SH3BGRL2: variants seen among roughly 807,000 people sequenced by gnomAD.
SH3BGRL2 encodes the protein SH3 domain-binding glutamic acid-rich-like protein 2.
Under a neutral mutation model 14.8 loss-of-function variants are expected in SH3BGRL2, and 21 were observed. That is an observed-to-expected ratio of 1.42 (90% CI 1.01 to 2.05). SH3BGRL2 has a LOEUF of 2.05. Ranked by LOEUF, SH3BGRL2 falls within the 30% of genes most tolerant of loss-of-function variation. SH3BGRL2 has a pLI of 0.00. For missense variants in SH3BGRL2, 147 were observed against 130.8 expected (o/e 1.12, Z -0.61); for synonymous variants, 50 against 47.8 (o/e 1.05, Z -0.19).
the SH3BGRL2 span, among the ~76,000 whole-genome samples, chr6:79,597,334 GAA>G: frequency 4.0e-3 from 586 of 146,134 alleles, 3 homozygotes; most frequent in Non-Finnish European, 5.6e-3. Context: ...GAAAAGAAAA[GAA>G]AAAAGAAAAG....
At chr6:79,562,405 A>G in the SH3BGRL2 span, among the ~76,000 whole-genome samples, 2 of 152,160 alleles carry the variant, frequency 1.3e-5, no homozygotes, top group African/African-American at 4.8e-5. Flanking sequence ...TAACTATTAA[A>G]CAAATTGGTC....
In SH3BGRL2 at chr6:79,649,042, C is replaced by T. The variant is rs180959387; in HGVS notation, c.45+17536C>T. ...TTCTACATTCTTCATGGCAGAGGGC[C>T]ACCCTGTAGGACCACCTCACCCAGA... is the stretch of plus-strand genomic sequence containing the variant. On this transcript the variant is annotated intron_variant, in intron 1 of 3. Transcript: ENST00000369838. Among the ~76,000 whole-genome samples the T allele has an allele frequency of 6.6e-5, 10 of 152,252 alleles. No homozygotes were observed. The East Asian group carries it at 1.9e-3, about 29-fold the overall frequency.
chr6:79,571,061 G>A, the SH3BGRL2 span, among the ~76,000 whole-genome samples: 1 of 152,160 alleles, frequency 6.6e-6, no homozygotes, highest in East Asian at 1.9e-4. Context: ...TGTTTCTCCA[G>A]CATAGGAAAC....
chr6:79,698,974 G>A lies in SH3BGRL2; in HGVS notation c.313-524G>A, dbSNP rs541957928. On this transcript the variant is annotated intron_variant, in intron 3 of 3. Transcript: ENST00000369838. ...GTAATATCCAAAGTAGGTAACAACCGGTCAACACTGGGTGCTGACTGGCCA... is the reference window on the plus strand; with the variant it reads ...GTAATATCCAAAGTAGGTAACAACCAGTCAACACTGGGTGCTGACTGGCCA... Among the ~76,000 whole-genome samples the A allele has an allele frequency of 5.3e-5, 8 of 152,020 alleles. No homozygotes were observed. The South Asian group carries it at 1.7e-3, about 32-fold the overall frequency.
the SH3BGRL2 span, among the ~76,000 whole-genome samples, chr6:79,586,218 G>A: frequency 1.8e-5 from 2 of 114,170 alleles, no homozygotes. Flanking sequence ...AAAGCTATAA[G>A]ATTTATGTAT....
At chr6:79,559,299 C>T in the SH3BGRL2 span, among the ~76,000 whole-genome samples, 9 of 152,136 alleles carry the variant, frequency 5.9e-5, no homozygotes, top group East Asian at 1.5e-3. Context: ...CCCCATCCGT[C>T]TCTGCAAATT....
At chr6:79,600,991 GCT>G in the SH3BGRL2 span, among the ~76,000 whole-genome samples, 1 of 151,918 alleles carries the variant, frequency 6.6e-6, no homozygotes, top group Admixed American at 6.6e-5. Context: ...CCCCCCTCAA[GCT>G]CTCTCTCTTC....
chr6:79,585,336 T>C, the SH3BGRL2 span, among the ~76,000 whole-genome samples: 1 of 152,192 alleles, frequency 6.6e-6, no homozygotes, highest in African/African-American at 2.4e-5. Flanking sequence ...AAAAAATCTT[T>C]ATGTCTTTCA....
the SH3BGRL2 span, among the ~76,000 whole-genome samples, chr6:79,572,627 G>A: frequency 3.3e-5 from 5 of 152,082 alleles, no homozygotes; most frequent in East Asian, 7.7e-4. Flanking sequence ...CACCACGCCC[G>A]GCTAATTTTT....
the SH3BGRL2 span, among the ~76,000 whole-genome samples, chr6:79,597,202 C>T: frequency 2.1e-5 from 3 of 143,994 alleles, no homozygotes; most frequent in Admixed American, 2.2e-4. Flanking sequence ...TGCAATCCAG[C>T]CTGGGCACAG....
intron 2 of SH3BGRL2, among the ~76,000 whole-genome samples, chr6:79,688,697 A>G (rs188159642): frequency 6.4e-4 from 97 of 152,250 alleles, no homozygotes; most frequent in African/African-American, 2.3e-3. Flanking sequence ...CCTGACAAGT[A>G]AAACAAATTT....
At chr6:79,622,902 A>C in the SH3BGRL2 span, among the ~76,000 whole-genome samples, 3 of 152,248 alleles carry the variant, frequency 2.0e-5, no homozygotes, top group Non-Finnish European at 4.4e-5. Flanking sequence ...AATTGAGCAG[A>C]ATGGTCTTTT....
At chr6:79,560,573 C>T in the SH3BGRL2 span, among the ~76,000 whole-genome samples, 1 of 151,978 alleles carries the variant, frequency 6.6e-6, no homozygotes, top group Non-Finnish European at 1.5e-5. Flanking sequence ...ACTAGAAGGA[C>T]CTATAAGATT....
At chr6:79,663,602 C>T (rs911226208) in intron 1 of SH3BGRL2, among the ~76,000 whole-genome samples, 1 of 152,198 alleles carries the variant, frequency 6.6e-6, no homozygotes, top group Non-Finnish European at 1.5e-5. Flanking sequence ...AGGTGTCTCC[C>T]AGTTAGGCTA....
At chr6:79,655,968 G>C (rs1255731224) in intron 1 of SH3BGRL2, among the ~76,000 whole-genome samples, 1 of 152,234 alleles carries the variant, frequency 6.6e-6, no homozygotes, top group Non-Finnish European at 1.5e-5. Flanking sequence ...GGTAGTTGGA[G>C]AGTTGGGCAC....
chr6:79,657,569 T>TA (rs1212980571), intron 1 of SH3BGRL2, among the ~76,000 whole-genome samples: 1 of 152,144 alleles, frequency 6.6e-6, no homozygotes, highest in Admixed American at 6.6e-5. Context: ...TTTTGAGAAA[T>TA]AAAGTTATTA....
chr6:79,659,861 T>C (rs1769505209), intron 1 of SH3BGRL2, among the ~76,000 whole-genome samples: 1 of 152,196 alleles, frequency 6.6e-6, no homozygotes. Flanking sequence ...TCACATCCCT[T>C]GTAAGTTGGA....
the SH3BGRL2 span, among the ~76,000 whole-genome samples, chr6:79,540,246 A>G: frequency 5.3e-5 from 8 of 152,060 alleles, no homozygotes; most frequent in Non-Finnish European, 8.8e-5. Flanking sequence ...CATCCTGGCT[A>G]ACACAGTAAA....
chr6:79,564,399 A>G, the SH3BGRL2 span, among the ~76,000 whole-genome samples: 6 of 69,090 alleles, frequency 8.7e-5, no homozygotes, highest in Admixed American at 3.4e-4. Context: ...TAAAAATTCA[A>G]TAGCAGTTTG....
Sources: gnomAD v4.1 joint callset for allele counts (sites outside exome capture counted in the v4.1 genomes callset) on GRCh38, gnomAD v4.1.1 for gene constraint, MANE v1.5 for transcripts, NCBI Gene and HGNC (gene_info 2026-07-23, HGNC 2026-07-21) for gene names.